BMPR1A: variants seen among roughly 807,000 people sequenced by gnomAD.
BMPR1A encodes bone morphogenetic protein receptor type 1A.
Under a neutral mutation model 66.0 loss-of-function variants are expected in BMPR1A, and 7 were observed. The ratio of observed to expected loss-of-function variants is 0.11; its 90% confidence interval spans 0.06 to 0.20. BMPR1A has a LOEUF of 0.20. Among genes scored for constraint, BMPR1A ranks in the 10% least tolerant of loss-of-function variants. The probability of loss-of-function intolerance (pLI) is 1.00; values close to 1 mark genes in which losing one functional copy is unlikely to be tolerated. For synonymous variants in BMPR1A, 200 were observed against 229.7 expected (o/e 0.87, Z 1.17); for missense variants, 408 against 669.1 (o/e 0.61, Z 4.31).
intron 1 of BMPR1A, among the ~76,000 whole-genome samples, chr10:86,765,165 C>T (rs1176930229): frequency 6.6e-6 from 1 of 151,986 alleles, no homozygotes; most frequent in Non-Finnish European, 1.5e-5. Flanking sequence ...TTCCCTGGTT[C>T]TTTGCCCATC....
chr10:86,831,355 T>C (rs1029385466), intron 1 of BMPR1A, among the ~76,000 whole-genome samples: 4 of 152,362 alleles, frequency 2.6e-5, no homozygotes, highest in Admixed American at 1.3e-4. Context: ...TAAAAAGATA[T>C]ATCTCATTAT....
chr10:86,785,088 C>T (rs1841497425), intron 1 of BMPR1A, among the ~76,000 whole-genome samples: 1 of 152,090 alleles, frequency 6.6e-6, no homozygotes, highest in South Asian at 2.1e-4. Context: ...TTCTTTGAGT[C>T]ATTAGTTTTT....
At chr10:86,877,968 T>C (rs1219737645) in intron 3 of BMPR1A, among the ~76,000 whole-genome samples, 1 of 152,248 alleles carries the variant, frequency 6.6e-6, no homozygotes, top group Non-Finnish European at 1.5e-5. Flanking sequence ...AAGATCTTAT[T>C]AAGAATTACA....
At position 86,925,873 on chromosome 10, in the gene BMPR1A, G is replaced by A. The variant is rs1011476373; in HGVS notation, c.*2154G>A. 7.4e-5 allele frequency: 12 copies of A among 163,208 alleles called. No homozygotes were observed. Among genetic ancestry groups the A allele is most frequent in the South Asian group, 4.1e-4 (2 of 4,856 alleles). 10.1% of individuals were successfully genotyped at this position (163,208 alleles called of 1,614,324 possible). ...CTCCCGAGTAGCTGGGACTACAGGC[G>A]CCCGCCACCGCGCCCGGCTAATTTT... On this transcript the variant is annotated 3_prime_UTR_variant, in exon 13 of 13. Transcript: ENST00000372037.
chr10:86,796,166 A>G (rs528091965), intron 1 of BMPR1A, among the ~76,000 whole-genome samples: 81 of 152,162 alleles, frequency 5.3e-4, no homozygotes, highest in African/African-American at 1.7e-3. Flanking sequence ...TTTTTTTCCC[A>G]GTTGGTTTTA....
chr10:86,827,742 ATGTTAAG>A (rs1399255614), intron 1 of BMPR1A, among the ~76,000 whole-genome samples: 4 of 152,194 alleles, frequency 2.6e-5, no homozygotes, highest in Non-Finnish European at 5.9e-5. Context: ...TTAGTTAGAA[ATGTTAAG>A]TAGGCATTTG....
Position 86,919,294 on chromosome 10 carries a change from C to G in BMPR1A, c.991C>G (p.Leu331Val), listed in dbSNP as rs1554891064. ...LKCATLDTRA[L>V]LKLAYSAACG... ...ATGTGCTACACTGGACACCAGAGCCCTGCTTAAATTGGCTTATTCAGCTGC... is the reference window on the plus strand; with the variant it reads ...ATGTGCTACACTGGACACCAGAGCCGTGCTTAAATTGGCTTATTCAGCTGC... The change falls in exon 10 of 13, where the codon CTG becomes GTG. Residue 331 changes from leucine (L) to valine (V), a missense_variant. By Grantham distance (32) the Leu-to-Val change is conservative. Coordinates refer to ENST00000372037, the MANE Select transcript of BMPR1A (RefSeq NM_004329.3). The G allele has an allele frequency of 1.2e-6, 2 of 1,613,994 alleles. No homozygotes were observed. Among genetic ancestry groups the G allele is most frequent in the Middle Eastern group, 1.7e-4 (1 of 6,038 alleles).
chr10:86,917,432 T>C lies in BMPR1A; in HGVS notation c.868+106T>C. 2.2e-6 allele frequency: 3 copies of C among 1,382,440 alleles called. 1 individual carries two copies. The South Asian group carries it at 3.7e-5, about 17-fold the overall frequency. 85.6% of individuals were successfully genotyped at this position (1,382,440 alleles called of 1,614,324 possible). A position where few individuals can be genotyped will look rare whatever the true frequency, so the allele number is the denominator to read the frequency against. On this transcript the variant is annotated intron_variant, in intron 9 of 12. Coordinates refer to ENST00000372037, the MANE Select transcript of BMPR1A (RefSeq NM_004329.3). ...AAATGTGTGAGTTCAACTATATACA[T>C]TTGGCTAAAGGAAACCTAGTAGAAT...
intron 2 of BMPR1A, among the ~76,000 whole-genome samples, chr10:86,860,260 A>G (rs1842695364): frequency 6.6e-6 from 1 of 152,366 alleles, no homozygotes; most frequent in African/African-American, 2.4e-5. Flanking sequence ...ACAAGTATCT[A>G]TCATGGAAAT....
chr10:86,896,181 A>G (rs541409782), intron 5 of BMPR1A, among the ~76,000 whole-genome samples: 35 of 150,596 alleles, frequency 2.3e-4, no homozygotes, highest in Non-Finnish European at 4.7e-4. Flanking sequence ...AAAAAAAAAA[A>G]GCTGAGGTGG....
intron 4 of BMPR1A, among the ~76,000 whole-genome samples, chr10:86,890,667 C>T (rs1384305738): frequency 6.6e-6 from 1 of 151,974 alleles, no homozygotes; most frequent in Non-Finnish European, 1.5e-5. Context: ...CTCCTGGGCT[C>T]AAGCAGTCCT....
intron 8 of BMPR1A, among the ~76,000 whole-genome samples, chr10:86,914,829 C>T (rs1371970488): frequency 6.6e-6 from 1 of 152,104 alleles, no homozygotes; most frequent in African/African-American, 2.4e-5. Flanking sequence ...GCATACTTTC[C>T]GTACAATGAA....
At chr10:86,758,997 A>C (rs1589701447) in intron 1 of BMPR1A, among the ~76,000 whole-genome samples, 1 of 152,356 alleles carries the variant, frequency 6.6e-6, no homozygotes, top group South Asian at 2.1e-4. Flanking sequence ...GTGGGGAAAT[A>C]CTTATTGAAA....
At chr10:86,760,232 C>CTTTTTTTTT (rs1841024648) in intron 1 of BMPR1A, among the ~76,000 whole-genome samples, 1 of 21,080 alleles carries the variant, frequency 4.7e-5, no homozygotes. Flanking sequence ...TTTTTTCTTT[C>CTTTTTTTTT]TTTCTTTCTT....
chr10:86,826,946 C>T (rs1000095877), intron 1 of BMPR1A, among the ~76,000 whole-genome samples: 22 of 151,390 alleles, frequency 1.5e-4, no homozygotes, highest in Non-Finnish European at 2.2e-4. Context: ...AACATTTAAC[C>T]ATGTCTGCTT....
rs1219619209 is a variant in BMPR1A, at chr10:86,846,120, G to T, written c.-153+7141G>T. On this transcript the variant is annotated intron_variant, in intron 2 of 12. Coordinates refer to ENST00000372037, the MANE Select transcript of BMPR1A (RefSeq NM_004329.3). ...CCATCCTTGACATTCATATGAGAAT[G>T]CTCTAAGAGCCCTCAGTTGTGCTGG... Among the ~76,000 whole-genome samples, 3 of 152,124 alleles carry T rather than the reference G, an allele frequency of 2.0e-5. No homozygotes were observed. The South Asian group carries it at 6.2e-4, about 32-fold the overall frequency.
At chr10:86,871,762 A>T (rs1454941982) in intron 2 of BMPR1A, among the ~76,000 whole-genome samples, 1 of 151,710 alleles carries the variant, frequency 6.6e-6, no homozygotes, top group Non-Finnish European at 1.5e-5. Flanking sequence ...AGGTTGTACC[A>T]CTGCACTTCA....
intron 2 of BMPR1A, chr10:86,855,156 A>C: frequency 2.4e-6 from 1 of 418,784 alleles, no homozygotes; most frequent in Non-Finnish European, 4.3e-6. Flanking sequence ...TCCTGACATC[A>C]GGTGATCAAC....
intron 1 of BMPR1A, among the ~76,000 whole-genome samples, chr10:86,793,807 C>G (rs572199986): frequency 6.6e-6 from 1 of 152,254 alleles, no homozygotes; most frequent in East Asian, 1.9e-4. Context: ...CAACACAGGT[C>G]TCACTAGGCT....
Sources: allele counts gnomAD v4.1 joint callset (sites outside exome capture counted in the v4.1 genomes callset), GRCh38; gene constraint gnomAD v4.1.1; transcripts MANE v1.5; gene names NCBI Gene and HGNC (gene_info 2026-07-23, HGNC 2026-07-21).